The following PTPN20 variants were observed in gnomAD, a reference collection of about 807,000 sequenced individuals.
The protein encoded by PTPN20 is protein tyrosine phosphatase non-receptor type 20.
A neutral mutation model predicts 35.0 loss-of-function variants in PTPN20; 9 were observed. The ratio of observed to expected loss-of-function variants is 0.26; its 90% CI spans 0.15 to 0.45. PTPN20 has a LOEUF of 0.45. Among genes scored for constraint, PTPN20 ranks in the 20% least tolerant of loss-of-function variants. PTPN20 has a pLI of 1.00. For synonymous variants in PTPN20, 32 were observed against 100.2 expected, an observed-to-expected ratio of 0.32 and a Z score of 4.06; for missense variants, 111 against 312.5, an observed-to-expected ratio of 0.36 and a Z score of 4.86.
Position 47,000,889 on chromosome 10 carries a change from T to G in PTPN20, c.*148T>G, listed in dbSNP as rs1315595093. 1.2e-5 allele frequency: 11 copies of G among 942,918 alleles called. No homozygotes were observed. In the African/African-American group the frequency reaches 1.6e-4, roughly 14 times the overall value. The allele number at this position is 942,918 out of a possible 1,614,324, so 58.4% of individuals were successfully genotyped here. A position where few individuals can be genotyped will look rare whatever the true frequency, so the allele number is the denominator to read the frequency against. Reference sequence around the variant, plus strand: ...GTTTATTTTCTTTCTAAAAGCTCCCTGAAGGGCAATATCATTTGGCTTGGG... The same window carrying G: ...GTTTATTTTCTTTCTAAAAGCTCCCGGAAGGGCAATATCATTTGGCTTGGG... On this transcript the variant is annotated 3_prime_UTR_variant, in exon 11 of 11. Coordinates refer to ENST00000374339, the MANE Select transcript of PTPN20 (RefSeq NM_001042357.5).
chr10:46,935,967 T>A (rs782330970), intron 2 of PTPN20, among the ~76,000 whole-genome samples: 30,399 of 141,994 alleles, frequency 0.21, 1,161 homozygotes, highest in South Asian at 0.36. Context: ...ATTTTTTTTT[T>A]AATTTTTACT....
chr10:46,984,370 A>C lies in PTPN20; in HGVS notation c.724A>C (p.Met242Leu). 3 of 1,612,036 alleles carry C rather than the reference A, an allele frequency of 1.9e-6. No homozygotes were observed. In the South Asian group the frequency reaches 3.3e-5, roughly 18 times the overall value. Residue 242 changes from methionine to leucine, a missense_variant, in exon 8 of 11, where the codon ATG (methionine) becomes CTG (leucine). Physicochemically the swap from Met to Leu is conservative, Grantham distance 15 (BLOSUM62 2). Around this residue, in one of 5 missense-constraint regions of PTPN20, gnomAD observed 13 missense variants for 136.4 expected, o/e 0.10. Coordinates refer to ENST00000374339, the MANE Select transcript of PTPN20 (RefSeq NM_001042357.5). ...GAGCACCATAGATGACTTTTGGCAAATGGTGTTGGAAAATAATTCAAATGT... is the reference window on the plus strand; with the variant it reads ...GAGCACCATAGATGACTTTTGGCAACTGGTGTTGGAAAATAATTCAAATGT... ...LLSTIDDFWQ[M>L]VLENNSNVIA...
At chr10:46,947,531 C>CT (rs2045302755) in intron 5 of PTPN20, among the ~76,000 whole-genome samples, 1 of 150,416 alleles carries the variant, frequency 6.6e-6, no homozygotes, top group Admixed American at 6.6e-5. Context: ...CAGTAAAATT[C>CT]ACCCTTTTAG....
intron 7 of PTPN20, among the ~76,000 whole-genome samples, chr10:46,976,831 C>T (rs1323961328): frequency 7.1e-6 from 1 of 140,710 alleles, no homozygotes; most frequent in Non-Finnish European, 1.5e-5. Context: ...TGTAGTTTTG[C>T]AAGTACTTTC....
intron 2 of PTPN20, among the ~76,000 whole-genome samples, chr10:46,935,792 G>A (rs1208337520): frequency 1.3e-5 from 2 of 152,222 alleles, no homozygotes; most frequent in East Asian, 3.8e-4. Flanking sequence ...CTTTATGACG[G>A]AACAATTTAT....
At chr10:46,932,667 G>A (rs1314695379) in intron 2 of PTPN20, 134 bp downstream of exon 2, 6 of 1,511,378 alleles carry the variant, frequency 4.0e-6, no homozygotes, top group African/African-American at 1.4e-5. Flanking sequence ...TCTTGGTGGG[G>A]TGGGGTGGGG....
At chr10:46,925,704 A>C (rs1393042907) in intron 1 of PTPN20, among the ~76,000 whole-genome samples, 2 of 151,236 alleles carry the variant, frequency 1.3e-5, no homozygotes, top group Middle Eastern at 3.2e-3. Context: ...GGCTTCTAAA[A>C]GGAGCCTGAC....
chr10:46,988,698 T>C (rs1483539180), intron 9 of PTPN20, among the ~76,000 whole-genome samples: 7 of 151,844 alleles, frequency 4.6e-5, no homozygotes, highest in African/African-American at 1.4e-4. Flanking sequence ...GATGTCACTC[T>C]TTTTTTATGG....
intron 7 of PTPN20, among the ~76,000 whole-genome samples, chr10:46,972,248 A>G (rs2052409608): frequency 1.3e-5 from 2 of 151,692 alleles, no homozygotes; most frequent in Admixed American, 6.6e-5. Flanking sequence ...GAAGAGGACA[A>G]ATAACCCAAC....
At chr10:46,926,656 A>AAGGATTCAT (rs2132700614) in intron 1 of PTPN20, among the ~76,000 whole-genome samples, 1 of 151,030 alleles carries the variant, frequency 6.6e-6, no homozygotes, top group African/African-American at 2.5e-5. Flanking sequence ...GATTGGATAG[A>AAGGATTCAT]AGGATTCATG....
At chr10:46,931,952 C>T (rs1161603728) in intron 1 of PTPN20, among the ~76,000 whole-genome samples, 2 of 147,742 alleles carry the variant, frequency 1.4e-5, no homozygotes, top group Middle Eastern at 3.2e-3. Context: ...TCCTTGAAGA[C>T]GGTCTCTGTA....
chr10:46,937,945 CTTTTCTTTTTTTTT>C (rs1264665494), intron 2 of PTPN20, among the ~76,000 whole-genome samples: 2 of 106,084 alleles, frequency 1.9e-5, no homozygotes, highest in Non-Finnish European at 3.6e-5. Context: ...TTTTCTTTTT[CTTTTCTTTTTTTTT>C]TTTTTTCTTA....
Position 47,000,744 on chromosome 10 carries a change from A to G in PTPN20, c.*3A>G. 2 of 1,613,546 alleles carry G rather than the reference A, an allele frequency of 1.2e-6. No individual in the cohort carries two copies. Among genetic ancestry groups the G allele is most frequent in the Admixed American group, 3.3e-5 (2 of 60,000 alleles). ...GGAAACTTCTGACTTTGGATTAAGA[A>G]AGACTTCTGTTGCCTCTCACTTGAA... On this transcript the variant is annotated 3_prime_UTR_variant, in exon 11 of 11. Transcript: ENST00000374339.
At chr10:46,955,186 A>G (rs1283584860) in intron 5 of PTPN20, 1 of 149,252 alleles carries the variant, frequency 6.7e-6, no homozygotes, top group Non-Finnish European at 1.5e-5. Context: ...ACAAGTATTT[A>G]ATACAACAAA....
chr10:46,950,689 A>G (rs1353139490), intron 5 of PTPN20, among the ~76,000 whole-genome samples: 3 of 152,036 alleles, frequency 2.0e-5, no homozygotes, highest in Non-Finnish European at 2.9e-5. Flanking sequence ...TTTAGTGAAA[A>G]TCAATATAGA....
At chr10:46,934,985 G>GTTA (rs2041014185) in intron 2 of PTPN20, among the ~76,000 whole-genome samples, 1 of 146,404 alleles carries the variant, frequency 6.8e-6, no homozygotes, top group Non-Finnish European at 1.5e-5. Flanking sequence ...GCATTTATAT[G>GTTA]TCTGTATGAG....
chr10:46,968,554 C>T (rs1311026397), intron 7 of PTPN20, among the ~76,000 whole-genome samples: 1 of 152,228 alleles, frequency 6.6e-6, no homozygotes, highest in African/African-American at 2.4e-5. Context: ...GTAGTGGCAC[C>T]TTCTGTCCTC....
intron 4 of PTPN20, among the ~76,000 whole-genome samples, chr10:46,945,837 T>G (rs1233847051): frequency 7.2e-6 from 1 of 138,666 alleles, no homozygotes; most frequent in Non-Finnish European, 1.5e-5. Flanking sequence ...TTAAAGCATT[T>G]CCTATTTTTA....
At chr10:46,976,980 A>G (rs1179934962) in intron 7 of PTPN20, among the ~76,000 whole-genome samples, 1 of 151,940 alleles carries the variant, frequency 6.6e-6, no homozygotes, top group Non-Finnish European at 1.5e-5. Flanking sequence ...GGTTAATTTC[A>G]TGTGTCAACT....
Sources: gnomAD v4.1 joint callset for allele counts (sites outside exome capture counted in the v4.1 genomes callset) on GRCh38, gnomAD v4.1.1 for gene constraint, gnomAD v4.1.1 regional missense constraint, MANE v1.5 for transcripts, NCBI Gene and HGNC (gene_info 2026-07-23, HGNC 2026-07-21) for gene names.